Variants in ADRA1B observed in about 807,000 individuals in gnomAD.
The protein encoded by ADRA1B is alpha-1B adrenergic receptor.
A neutral mutation model predicts 17.9 loss-of-function variants in ADRA1B; 17 were observed. The observed-to-expected ratio is 0.95, with a 90% confidence interval of 0.65 to 1.42. ADRA1B has a LOEUF of 1.42. ADRA1B is among the 40% of genes most tolerant of loss of function. The pLI, the probability that ADRA1B is intolerant of heterozygous loss-of-function variation, is 0.00. For synonymous variants in ADRA1B, 366 were observed against 327.6 expected (o/e 1.12, Z -1.27); for missense variants, 681 against 722.1 (o/e 0.94, Z 0.65).
intron 1 of ADRA1B, among the ~76,000 whole-genome samples, chr5:159,906,351 A>G (rs1459772146): frequency 6.6e-6 from 1 of 152,244 alleles, no homozygotes; most frequent in Non-Finnish European, 1.5e-5. Context: ...AGTTATGTGT[A>G]TAAGAACCCT....
chr5:159,950,121 T>C (rs1188278443), intron 1 of ADRA1B, among the ~76,000 whole-genome samples: 1 of 152,218 alleles, frequency 6.6e-6, no homozygotes, highest in Non-Finnish European at 1.5e-5. Flanking sequence ...TTTTTTGTAA[T>C]GATCCATCAG....
At chr5:159,982,045 G>T in the ADRA1B span, among the ~76,000 whole-genome samples, 1 of 146,472 alleles carries the variant, frequency 6.8e-6, no homozygotes, top group Non-Finnish European at 1.5e-5. Context: ...TTCTCGGAAT[G>T]CTCACCCTTG....
intron 1 of ADRA1B, among the ~76,000 whole-genome samples, chr5:159,875,500 G>C (rs1372668165): frequency 6.6e-6 from 1 of 152,066 alleles, no homozygotes; most frequent in Non-Finnish European, 1.5e-5. Context: ...ACATCAGTTT[G>C]GTTCATATAC....
intron 1 of ADRA1B, among the ~76,000 whole-genome samples, chr5:159,962,220 A>C (rs984534215): frequency 3.9e-5 from 6 of 152,146 alleles, no homozygotes; most frequent in African/African-American, 1.4e-4. Context: ...ATATGTAAAG[A>C]ATAAAAAGAT....
chr5:159,973,278 G>A (rs1755921782), downstream of ADRA1B, among the ~76,000 whole-genome samples: 1 of 152,176 alleles, frequency 6.6e-6, no homozygotes, highest in Non-Finnish European at 1.5e-5. Flanking sequence ...CCCTGGACTT[G>A]CCTAATGAAT....
intron 1 of ADRA1B, among the ~76,000 whole-genome samples, chr5:159,883,172 C>T (rs10052787): frequency 6.6e-6 from 1 of 152,132 alleles, no homozygotes; most frequent in African/African-American, 2.4e-5. Context: ...CTTTTTCCCC[C>T]TTCCAACTTG....
At chr5:159,960,274 G>A (rs1372204495) in intron 1 of ADRA1B, among the ~76,000 whole-genome samples, 1 of 152,186 alleles carries the variant, frequency 6.6e-6, no homozygotes, top group East Asian at 1.9e-4. Flanking sequence ...AAAGGGAAAG[G>A]GGCCAGAAAA....
intron 1 of ADRA1B, among the ~76,000 whole-genome samples, chr5:159,885,687 C>A (rs907099587): frequency 3.9e-5 from 6 of 152,188 alleles, no homozygotes; most frequent in African/African-American, 1.4e-4. Flanking sequence ...ATTTAACCAA[C>A]CTTGAAGACA....
At chr5:159,985,939 GAGCTC>G in the ADRA1B span, among the ~76,000 whole-genome samples, 2 of 152,232 alleles carry the variant, frequency 1.3e-5, no homozygotes, top group African/African-American at 4.8e-5. Flanking sequence ...AGGAGAAGGA[GAGCTC>G]ACAGAAGCAC....
chr5:159,917,414 G>T lies in ADRA1B; in HGVS notation c.509G>T (p.Trp170Leu). ...GCCATCTTGGCGCTGCTCAGTGTCTGGGTCTTGTCCACCGTCATCTCCATC... is the reference window on the plus strand; with the variant it reads ...GCCATCTTGGCGCTGCTCAGTGTCTTGGTCTTGTCCACCGTCATCTCCATC... ...RKAILALLSV[W>L]VLSTVISIGP... Residue 170 changes from tryptophan (W) to leucine (L), a missense_variant, in exon 1 of 2, where the codon TGG becomes TTG. Transcript: ENST00000306675. The T allele has an allele frequency of 1.9e-6, 3 of 1,614,124 alleles. No individual in the cohort carries two copies. The highest frequency in any genetic ancestry group is 2.5e-6 in the Non-Finnish European group (3 of 1,180,024).
chr5:159,920,549 A>C (rs1754451401), intron 1 of ADRA1B, among the ~76,000 whole-genome samples: 1 of 152,060 alleles, frequency 6.6e-6, no homozygotes, highest in Non-Finnish European at 1.5e-5. Flanking sequence ...TCTCCCAGAG[A>C]TCTTCCAGTG....
At chr5:159,982,548 G>A in the ADRA1B span, among the ~76,000 whole-genome samples, 1 of 152,112 alleles carries the variant, frequency 6.6e-6, no homozygotes, top group African/African-American at 2.4e-5. Flanking sequence ...AAAAGTCAAG[G>A]TAATTAGTCC....
chr5:159,929,511 C>G (rs531108028), intron 1 of ADRA1B, among the ~76,000 whole-genome samples: 1 of 150,504 alleles, frequency 6.6e-6, no homozygotes, highest in South Asian at 2.1e-4. Context: ...GACCCTCTAA[C>G]TCCAGAATAA....
intron 1 of ADRA1B, among the ~76,000 whole-genome samples, chr5:159,906,898 A>T (rs566031485): frequency 5.8e-4 from 89 of 152,184 alleles, no homozygotes; most frequent in African/African-American, 1.9e-3. Context: ...TGAAAATACA[A>T]ATTCCCTGGC....
intron 1 of ADRA1B, among the ~76,000 whole-genome samples, chr5:159,948,923 A>G (rs911825224): frequency 1.3e-5 from 2 of 152,228 alleles, no homozygotes; most frequent in South Asian, 4.1e-4. Context: ...CAAGAACCCT[A>G]TGGATAAATA....
the ADRA1B span, among the ~76,000 whole-genome samples, chr5:159,982,568 T>G: frequency 6.6e-6 from 1 of 152,132 alleles, no homozygotes; most frequent in Non-Finnish European, 1.5e-5. Flanking sequence ...CAAGATAACA[T>G]GGTTTCTAGG....
intron 1 of ADRA1B, among the ~76,000 whole-genome samples, chr5:159,923,141 A>C (rs898278423): frequency 6.6e-6 from 1 of 152,286 alleles, no homozygotes; most frequent in African/African-American, 2.4e-5. Flanking sequence ...CCAGAGAATT[A>C]GAAGGGAGGC....
rs142069903 is a variant in ADRA1B at position 159,874,022 on chromosome 5, C to T, written c.-256+8816C>T. On this transcript the variant is annotated intron_variant, in intron 1 of 2. Coordinates refer to the ADRA1B transcript ENST00000641205. Reference sequence around the variant, plus strand: ...GGACGACTTACTGTCTTGATAGTGTCTTCATACTGGAACAGAAACACAACC... The same window carrying T: ...GGACGACTTACTGTCTTGATAGTGTTTTCATACTGGAACAGAAACACAACC... Among the ~76,000 whole-genome samples the T allele has an allele frequency of 5.3e-3, 811 of 152,254 alleles. 7 individuals carry two copies. The highest frequency in any genetic ancestry group is 0.019 in the African/African-American group (772 of 41,540).
At chr5:159,907,323 C>A (rs996710930) in intron 1 of ADRA1B, among the ~76,000 whole-genome samples, 2 of 152,144 alleles carry the variant, frequency 1.3e-5, no homozygotes, top group African/African-American at 4.8e-5. Flanking sequence ...CAGAAGTTGC[C>A]TCTCAAAGGC....
Sources: gnomAD v4.1 joint callset for allele counts (sites outside exome capture counted in the v4.1 genomes callset) on GRCh38, gnomAD v4.1.1 for gene constraint, MANE v1.5 for transcripts, NCBI Gene and HGNC (gene_info 2026-07-23, HGNC 2026-07-21) for gene names.